Variants in TDRD9 observed in about 807,000 individuals in gnomAD.
The protein encoded by TDRD9 is ATP-dependent RNA helicase TDRD9.
A neutral mutation model predicts 172.6 loss-of-function variants in TDRD9; 124 were observed. The observed-to-expected ratio is 0.72, with a 90% confidence interval of 0.62 to 0.83. TDRD9 has a LOEUF of 0.83. Ranked by LOEUF, TDRD9 falls within the 40% of genes least tolerant of loss-of-function variation. The probability of loss-of-function intolerance (pLI) is 0.00; values close to 1 mark genes in which losing one functional copy is unlikely to be tolerated. For synonymous variants in TDRD9, 619 were observed against 617.1 expected (o/e 1.00, Z -0.05); for missense variants, 1,479 against 1,714.1 (o/e 0.86, Z 2.42).
At chr14:103,978,062 T>C (rs552016484) in intron 7 of TDRD9, among the ~76,000 whole-genome samples, 13 of 152,242 alleles carry the variant, frequency 8.5e-5, no homozygotes, top group African/African-American at 1.7e-4. Context: ...CATGCTGTTT[T>C]GGTTACCATT....
intron 2 of TDRD9, among the ~76,000 whole-genome samples, chr14:103,956,121 T>A (rs865816529): frequency 4.4e-5 from 3 of 68,286 alleles, no homozygotes; most frequent in Non-Finnish European, 7.7e-5. Context: ...AATATATATA[T>A]ATATATATAT....
chr14:103,930,428 G>A (rs558014059), intron 1 of TDRD9, among the ~76,000 whole-genome samples: 1 of 152,090 alleles, frequency 6.6e-6, no homozygotes, highest in African/African-American at 2.4e-5. Flanking sequence ...CACCCATGTC[G>A]GCCTCCCAAA....
chr14:104,007,922 T>C (rs1595979787), intron 19 of TDRD9, among the ~76,000 whole-genome samples: 3 of 152,188 alleles, frequency 2.0e-5, no homozygotes, highest in Admixed American at 6.5e-5. Context: ...GGACCACAGG[T>C]GCCCGCCACC....
At chr14:104,019,269 A>G (rs972966001) in intron 23 of TDRD9, among the ~76,000 whole-genome samples, 2 of 152,170 alleles carry the variant, frequency 1.3e-5, no homozygotes, top group African/African-American at 4.8e-5. Context: ...CTCCCAGAAG[A>G]TTGCAGCATC....
chr14:103,956,661 C>CTT (rs67617196), intron 2 of TDRD9, among the ~76,000 whole-genome samples: 7 of 145,120 alleles, frequency 4.8e-5, no homozygotes, highest in Non-Finnish European at 6.0e-5. Flanking sequence ...ATTAAAACTA[C>CTT]TTTTTTTTTT....
intron 1 of TDRD9, among the ~76,000 whole-genome samples, chr14:103,953,325 T>C (rs2032040314): frequency 6.6e-6 from 1 of 152,208 alleles, no homozygotes; most frequent in South Asian, 2.1e-4. Context: ...CTCTCTCAGC[T>C]GCACCTGGTA....
intron 15 of TDRD9, among the ~76,000 whole-genome samples, chr14:104,005,984 AT>A (rs2034425302): frequency 6.6e-6 from 1 of 152,136 alleles, no homozygotes; most frequent in South Asian, 2.1e-4. Flanking sequence ...CTGCCTTTAA[AT>A]ATGATACCTC....
intron 1 of TDRD9, chr14:103,941,203 CT>C: frequency 9.5e-7 from 1 of 1,053,544 alleles, no homozygotes; most frequent in Non-Finnish European, 1.3e-6. Flanking sequence ...AGTTACCCAC[CT>C]TTTGAGTATT....
chr14:103,966,794 A>G lies in TDRD9; in HGVS notation c.728A>G (p.Lys243Arg), dbSNP rs916549146. ...GVLLQKIVSA[K>R]SLMEFTHIII... ...CTGCTTCAGAAAATAGTTAGTGCCA[A>G]GAGTTTGATGGAATTCACACATATC... The change falls in exon 5 of 36, where the codon AAG becomes AGG. Residue 243 changes from lysine (K) to arginine (R), a missense_variant. By Grantham distance (26) the Lys-to-Arg change is conservative. This residue lies in a region of TDRD9 where 1,413 missense variants were observed against 1,649.1 expected (regional missense o/e 0.86). Coordinates refer to ENST00000409874, the MANE Select transcript of TDRD9 (RefSeq NM_153046.3). 25 of 1,551,184 alleles carry G rather than the reference A, an allele frequency of 1.6e-5. No individual in the cohort carries two copies. Among genetic ancestry groups the G allele is most frequent in the Non-Finnish European group, 2.2e-5 (25 of 1,146,830 alleles).
chr14:103,930,618 T>A (rs2030318443), intron 1 of TDRD9, among the ~76,000 whole-genome samples: 1 of 152,194 alleles, frequency 6.6e-6, no homozygotes, highest in Non-Finnish European at 1.5e-5. Flanking sequence ...CTTTGGTAAA[T>A]TTGGTTCTTA....
At chr14:104,011,324 C>T (rs2034605402) in intron 20 of TDRD9, among the ~76,000 whole-genome samples, 1 of 152,098 alleles carries the variant, frequency 6.6e-6, no homozygotes, top group African/African-American at 2.4e-5. Context: ...GTGAAATTGG[C>T]CTCTGGTTTA....
chr14:103,951,251 A>C (rs1168078629), intron 1 of TDRD9, among the ~76,000 whole-genome samples: 1 of 152,258 alleles, frequency 6.6e-6, no homozygotes, highest in Non-Finnish European at 1.5e-5. Context: ...TACTAGTAAA[A>C]AGCAGCATTG....
chr14:104,009,471 C>T lies in TDRD9; in HGVS notation c.2106+1005C>T, dbSNP rs1260602612. 3.0e-4 allele frequency among the ~76,000 whole-genome samples: 45 copies of T among 152,100 alleles called. 1 individual carries two copies. Among genetic ancestry groups the T allele is most frequent in the Non-Finnish European group, 1.5e-5 (1 of 68,022 alleles). ...CTTATGGTGAATGCAGATTGCAGGA[C>T]TGGAAGTGGTTCTGGGTGAGTCAGT... On this transcript the variant is annotated intron_variant, in intron 20 of 35. Coordinates refer to ENST00000409874, the MANE Select transcript of TDRD9 (RefSeq NM_153046.3).
At chr14:104,028,566 G>A (rs2035193139) in intron 28 of TDRD9, among the ~76,000 whole-genome samples, 1 of 152,062 alleles carries the variant, frequency 6.6e-6, no homozygotes, top group South Asian at 2.1e-4. Context: ...TGAGTTCCTT[G>A]TGTATTCTGG....
chr14:104,052,211 C>G lies in TDRD9; in HGVS notation c.*129C>G, dbSNP rs763558945. 1.4e-5 allele frequency: 8 copies of G among 559,022 alleles called. No individual in the cohort carries two copies. Among genetic ancestry groups the G allele is most frequent in the Non-Finnish European group, 2.2e-5 (7 of 317,016 alleles). The allele number at this position is 559,022 out of a possible 1,614,324, so 34.6% of individuals were successfully genotyped here. A position where few individuals can be genotyped will look rare whatever the true frequency, so the allele number is the denominator to read the frequency against. On this transcript the variant is annotated 3_prime_UTR_variant, in exon 36 of 36. Coordinates refer to ENST00000409874, the MANE Select transcript of TDRD9 (RefSeq NM_153046.3). ...TCTGTGCCCACTGCATCCTAAAGGC[C>G]TTTTCTTTCTTCTTTTCTCTTTGGG...
At chr14:103,978,709 G>A (rs1023452715) in intron 7 of TDRD9, among the ~76,000 whole-genome samples, 1 of 152,176 alleles carries the variant, frequency 6.6e-6, no homozygotes, top group African/African-American at 2.4e-5. Context: ...AGGCTGAGGT[G>A]CCATTTTTGT....
intron 34 of TDRD9, among the ~76,000 whole-genome samples, chr14:104,047,197 G>A (rs551044997): frequency 6.6e-6 from 1 of 152,156 alleles, no homozygotes; most frequent in South Asian, 2.1e-4. Flanking sequence ...TCAGTGTGCA[G>A]GTCTTGCACT....
chr14:103,939,741 G>GTTTTTTTTTTTTTT (rs1322302073), intron 1 of TDRD9: 1 of 4,648 alleles, frequency 2.2e-4, no homozygotes, highest in African/African-American at 3.9e-4. Flanking sequence ...TTGAAAAAAA[G>GTTTTTTTTTTTTTT]TGTTTTTTTT....
At chr14:104,006,947 A>T (rs1175200404) in intron 18 of TDRD9, 102 bp downstream of exon 18, 2 of 1,124,412 alleles carry the variant, frequency 1.8e-6, no homozygotes, top group Non-Finnish European at 2.6e-6. Flanking sequence ...TGTTTTATCT[A>T]GTGAAAGTAT....
Sources: allele counts gnomAD v4.1 joint callset (sites outside exome capture counted in the v4.1 genomes callset), GRCh38; gene constraint gnomAD v4.1.1; regional missense constraint gnomAD v4.1.1; transcripts MANE v1.5; gene names NCBI Gene and HGNC (gene_info 2026-07-23, HGNC 2026-07-21).